Variants in SLC4A4 observed in about 807,000 individuals in gnomAD.
The protein encoded by SLC4A4 is solute carrier family 4 member 4.
In SLC4A4, 27 loss-of-function variants were observed where a neutral mutation model predicts 111.5. The observed-to-expected ratio is 0.24, with a 90% CI of 0.18 to 0.33. The LOEUF is 0.33. SLC4A4 is among the 10% of genes least tolerant of loss of function. The pLI, the probability that SLC4A4 is intolerant of heterozygous loss-of-function variation, is 1.00. For missense variants in SLC4A4, 909 were observed against 1,315.5 expected (o/e 0.69, Z 4.78); for synonymous variants, 443 against 463.4 (o/e 0.96, Z 0.57).
intron 1 of SLC4A4, among the ~76,000 whole-genome samples, chr4:71,195,079 T>G (rs1172483584): frequency 6.6e-6 from 1 of 152,076 alleles, no homozygotes; most frequent in Admixed American, 6.5e-5. Flanking sequence ...ATTTTTGTTT[T>G]GGGGAATTAC....
chr4:71,452,710 T>A (rs556091076), intron 11 of SLC4A4, among the ~76,000 whole-genome samples: 1 of 152,286 alleles, frequency 6.6e-6, no homozygotes, highest in Admixed American at 6.5e-5. Context: ...GTCACTCAAC[T>A]GACCTGCTGA....
intron 1 of SLC4A4, among the ~76,000 whole-genome samples, chr4:71,187,875 A>G (rs1032962186): frequency 1.3e-5 from 2 of 152,134 alleles, no homozygotes; most frequent in Admixed American, 1.3e-4. Flanking sequence ...CGCGGCCCCC[A>G]CTTCACTGCC....
intron 3 of SLC4A4, among the ~76,000 whole-genome samples, chr4:71,318,697 T>C (rs1316883478): frequency 6.6e-6 from 1 of 152,042 alleles, no homozygotes; most frequent in Non-Finnish European, 1.5e-5. Flanking sequence ...GAACTAGGCA[T>C]TGGCCAGCTT....
chr4:71,181,714 C>A lies in SLC4A4; in HGVS notation c.-1-54862C>A, dbSNP rs151246647. On this transcript the variant is annotated intron_variant, in intron 2 of 26. Transcript: ENST00000649996. ...GGCACCATGCCAGATGCTATTTGTA[C>A]TGTCAAGTTGCCTTTACAATTTTTC... Among the ~76,000 whole-genome samples, 387 of 152,324 alleles carry A rather than the reference C, an allele frequency of 2.5e-3. 2 individuals are homozygous for A. In the South Asian group the frequency reaches 0.029, roughly 11 times the overall value.
chr4:71,382,392 A>C (rs913991998), intron 6 of SLC4A4, among the ~76,000 whole-genome samples: 1 of 152,184 alleles, frequency 6.6e-6, no homozygotes, highest in Non-Finnish European at 1.5e-5. Flanking sequence ...AAGCCTGGGA[A>C]CATATGAAGA....
At chr4:71,174,346 T>C (rs1745025407) in intron 2 of SLC4A4, among the ~76,000 whole-genome samples, 1 of 151,264 alleles carries the variant, frequency 6.6e-6, no homozygotes, top group East Asian at 1.9e-4. Context: ...GCTTCCTGGG[T>C]TCAAGCAATT....
intron 6 of SLC4A4, among the ~76,000 whole-genome samples, chr4:71,385,189 A>ATTTTTTTTTTTTTTTTT (rs1194914064): frequency 6.7e-5 from 1 of 15,000 alleles, no homozygotes; most frequent in African/African-American, 1.2e-4. Context: ...ATATATATAT[A>ATTTTTTTTTTTTTTTTT]TATTTTTTTT....
rs367565402 is a variant in SLC4A4 at position 71,090,545 on chromosome 4, G to T, written c.-64-2185G>T. Among the ~76,000 whole-genome samples the T allele has an allele frequency of 8.5e-5, 13 of 152,352 alleles. No individual in the cohort carries two copies. In the East Asian group the frequency reaches 2.5e-3, roughly 29 times the overall value. On this transcript the variant is annotated intron_variant, in intron 1 of 26. Transcript: ENST00000649996. The stretch of plus-strand genomic sequence containing the variant: ...AAATGTATGTGTTAAGATAAAGGGA[G>T]TGAGAGGCTATCAGTTTGGGAAGGG...
At chr4:71,266,733 C>T (rs191793060) in intron 3 of SLC4A4, among the ~76,000 whole-genome samples, 24 of 152,254 alleles carry the variant, frequency 1.6e-4, no homozygotes, top group East Asian at 9.7e-4. Context: ...CTGGGGCAGG[C>T]GCCTGGCTAG....
chr4:71,376,206 T>C (rs1243833438), intron 6 of SLC4A4, among the ~76,000 whole-genome samples: 1 of 150,342 alleles, frequency 6.7e-6, no homozygotes, highest in Non-Finnish European at 1.5e-5. Context: ...TATATGTGTG[T>C]ATATATATTT....
At chr4:71,197,079 G>A (rs1174764766) in intron 1 of SLC4A4, among the ~76,000 whole-genome samples, 1 of 151,746 alleles carries the variant, frequency 6.6e-6, no homozygotes, top group African/African-American at 2.4e-5. Context: ...CCCAGGCATG[G>A]TGGTGGGCAC....
intron 21 of SLC4A4, among the ~76,000 whole-genome samples, chr4:71,556,244 C>G (rs1350241168): frequency 2.6e-5 from 4 of 151,902 alleles, no homozygotes; most frequent in Admixed American, 2.6e-4. Flanking sequence ...TTACAAAATA[C>G]AAGGTGGTTC....
intron 2 of SLC4A4, among the ~76,000 whole-genome samples, chr4:71,096,267 G>T (rs569622126): frequency 1.2e-4 from 18 of 152,248 alleles, no homozygotes; most frequent in African/African-American, 4.3e-4. Context: ...AAAGGGGGGA[G>T]GAAGCAATTT....
intron 3 of SLC4A4, among the ~76,000 whole-genome samples, chr4:71,272,456 T>C (rs1722766352): frequency 6.6e-6 from 1 of 152,130 alleles, no homozygotes; most frequent in South Asian, 2.1e-4. Flanking sequence ...CAGACACAGA[T>C]CTTCCTGGCT....
At chr4:71,327,120 C>G (rs1484855125) in intron 3 of SLC4A4, among the ~76,000 whole-genome samples, 1 of 151,922 alleles carries the variant, frequency 6.6e-6, no homozygotes, top group Non-Finnish European at 1.5e-5. Flanking sequence ...ATCACTATTT[C>G]TATTAAAGCA....
chr4:71,393,041 A>T (rs538209544), intron 6 of SLC4A4, among the ~76,000 whole-genome samples: 3 of 152,164 alleles, frequency 2.0e-5, no homozygotes, highest in Non-Finnish European at 2.9e-5. Flanking sequence ...GCCATCTATG[A>T]CAAACCCACA....
chr4:71,372,292 A>G (rs1401420849), intron 6 of SLC4A4, among the ~76,000 whole-genome samples: 3 of 152,210 alleles, frequency 2.0e-5, no homozygotes, highest in Non-Finnish European at 4.4e-5. Flanking sequence ...TCCATTTCAA[A>G]TGCTGCCAAG....
At chr4:71,085,862 G>A (rs1488170019) in intron 1 of SLC4A4, among the ~76,000 whole-genome samples, 2 of 151,982 alleles carry the variant, frequency 1.3e-5, no homozygotes, top group African/African-American at 4.8e-5. Context: ...TGTTCTTTTA[G>A]CTTAGGATTG....
Position 71,450,557 on chromosome 4 carries a change from A to T in SLC4A4, c.1208+14A>T, listed in dbSNP as rs1200192980. ...CTCTGACAAAAGGTAAATTATAGGC[A>T]GTTGATAATTTTCAGTAGCTGAGAT... is the stretch of plus-strand genomic sequence containing the variant. On this transcript the variant is annotated intron_variant, in intron 10 of 25. Transcript: ENST00000264485. 6 of 1,611,250 alleles carry T rather than the reference A, an allele frequency of 3.7e-6. No homozygotes were observed. The highest frequency in any genetic ancestry group is 5.1e-6 in the Non-Finnish European group (6 of 1,178,280).
Sources: gnomAD v4.1 joint callset for allele counts (sites outside exome capture counted in the v4.1 genomes callset) on GRCh38, gnomAD v4.1.1 for gene constraint, MANE v1.5 for transcripts, NCBI Gene and HGNC (gene_info 2026-07-23, HGNC 2026-07-21) for gene names.